UTRN: variants seen among roughly 807,000 people sequenced by gnomAD.
The protein encoded by UTRN is dystrophin-related protein 1.
UTRN carries 283 observed loss-of-function variants against 463.9 expected under a neutral mutation model. That is an observed-to-expected ratio of 0.61 (90% confidence interval 0.55 to 0.67). The LOEUF is 0.67. Ranked by LOEUF, UTRN falls within the 30% of genes least tolerant of loss-of-function variation. The pLI is 0.00. For missense variants in UTRN, 3,922 were observed against 4,084.3 expected (o/e 0.96, Z 1.08); for synonymous variants, 1,442 against 1,431.5 (o/e 1.01, Z -0.17).
Position 144,513,841 on chromosome 6 carries a change from T to A in UTRN, c.4945-68T>A, listed in dbSNP as rs201619345. On this transcript the variant is annotated intron_variant, in intron 35 of 74. Transcript: ENST00000367545. ...GTTTGCTCTTTGAAGGTCTTTTAAATCTCTTTTAAGATTATCATCTTAAAT... is the reference window on the plus strand; with the variant it reads ...GTTTGCTCTTTGAAGGTCTTTTAAAACTCTTTTAAGATTATCATCTTAAAT... The A allele has an allele frequency of 7.1e-6, 11 of 1,539,110 alleles. No individual in the cohort carries two copies. The East Asian group carries it at 2.6e-4, about 36-fold the overall frequency.
At chr6:144,301,622 C>T (rs923785625) in intron 2 of UTRN, among the ~76,000 whole-genome samples, 3 of 150,608 alleles carry the variant, frequency 2.0e-5, no homozygotes, top group African/African-American at 7.3e-5. Flanking sequence ...CAGCCCTCCG[C>T]CTCCCAGGTT....
At chr6:144,320,274 G>A (rs140913766) in intron 2 of UTRN, among the ~76,000 whole-genome samples, 53 of 152,318 alleles carry the variant, frequency 3.5e-4, no homozygotes, top group African/African-American at 1.3e-3. Flanking sequence ...GGCTAATATT[G>A]TTAGGGGCTG....
intron 55 of UTRN, among the ~76,000 whole-genome samples, chr6:144,748,870 G>A (rs994294074): frequency 2.6e-5 from 4 of 151,620 alleles, no homozygotes; most frequent in African/African-American, 9.7e-5. Context: ...CAGTTTATTT[G>A]TTAAAGACAC....
chr6:144,350,586 T>A (rs1416169028), intron 2 of UTRN, among the ~76,000 whole-genome samples: 1 of 152,246 alleles, frequency 6.6e-6, no homozygotes, highest in Non-Finnish European at 1.5e-5. Flanking sequence ...AGAGATGAAA[T>A]GTAGTCTATA....
intron 58 of UTRN, among the ~76,000 whole-genome samples, chr6:144,765,858 A>G (rs1395443945): frequency 3.3e-5 from 5 of 152,056 alleles, no homozygotes; most frequent in Non-Finnish European, 7.4e-5. Context: ...AAATAGGATC[A>G]TATATCTTAT....
chr6:144,723,658 C>T (rs931515184), intron 53 of UTRN, among the ~76,000 whole-genome samples: 2 of 152,118 alleles, frequency 1.3e-5, no homozygotes, highest in African/African-American at 4.8e-5. Context: ...ATACTGAACA[C>T]ACAGAATGAG....
intron 9 of UTRN, among the ~76,000 whole-genome samples, chr6:144,433,387 G>T (rs1368290276): frequency 6.7e-6 from 1 of 149,230 alleles, no homozygotes; most frequent in African/African-American, 2.4e-5. Context: ...CCTCCCGGAC[G>T]GGGTGGCTGC....
At chr6:144,587,588 T>C (rs1336774006) in intron 51 of UTRN, among the ~76,000 whole-genome samples, 1 of 152,136 alleles carries the variant, frequency 6.6e-6, no homozygotes, top group Non-Finnish European at 1.5e-5. Context: ...GAGTATGTGG[T>C]TTTTTAGAAG....
At chr6:144,610,718 T>G (rs1562646261) in intron 51 of UTRN, among the ~76,000 whole-genome samples, 1 of 152,084 alleles carries the variant, frequency 6.6e-6, no homozygotes, top group East Asian at 1.9e-4. Flanking sequence ...CTACTAAAAA[T>G]ACAAAAATTA....
rs12212287 is a variant in UTRN at position 144,749,453 on chromosome 6, T to G, written c.8208+939T>G. ...GTCACACCTGCCAACAGACTTCCAG[T>G]TAGCACCTTTGATACTAGCAGATGT... On this transcript the variant is annotated intron_variant, in intron 55 of 74. Transcript: ENST00000367545. Among the ~76,000 whole-genome samples the G allele has an allele frequency of 1.2e-3, 185 of 152,302 alleles. 1 individual carries two copies. Among genetic ancestry groups the G allele is most frequent in the Non-Finnish European group, 7.8e-4 (53 of 68,024 alleles).
chr6:144,758,965 C>G (rs1586422123), intron 58 of UTRN, among the ~76,000 whole-genome samples: 1 of 152,074 alleles, frequency 6.6e-6, no homozygotes, highest in African/African-American at 2.4e-5. Context: ...AAAATCTATA[C>G]AAATGCTAAT....
intron 2 of UTRN, among the ~76,000 whole-genome samples, chr6:144,336,180 G>C (rs1229055508): frequency 6.6e-6 from 1 of 152,200 alleles, no homozygotes; most frequent in African/African-American, 2.4e-5. Context: ...CTGGGCTGCG[G>C]CAGGTGGTGG....
chr6:144,398,182 C>T (rs989031793), intron 2 of UTRN: 1 of 244,664 alleles, frequency 4.1e-6, no homozygotes, highest in Non-Finnish European at 8.5e-6. Context: ...TTGCAATATT[C>T]TCTAATTTCT....
intron 57 of UTRN, among the ~76,000 whole-genome samples, chr6:144,756,070 T>G (rs180969880): frequency 6.6e-6 from 1 of 152,248 alleles, no homozygotes; most frequent in Admixed American, 6.6e-5. Flanking sequence ...TCCTGGAATA[T>G]ACTGTGTACC....
At chr6:144,568,965 C>T (rs1353310329) in intron 50 of UTRN, among the ~76,000 whole-genome samples, 6 of 152,002 alleles carry the variant, frequency 3.9e-5, no homozygotes, top group African/African-American at 1.5e-4. Context: ...GGTATATTCA[C>T]CTGTGTAATA....
chr6:144,700,859 A>G (rs1586098454), intron 53 of UTRN, among the ~76,000 whole-genome samples: 1 of 151,512 alleles, frequency 6.6e-6, no homozygotes, highest in African/African-American at 2.4e-5. Flanking sequence ...TCAGCCTCCC[A>G]AGTAGCTGGG....
At chr6:144,605,909 T>C (rs1804796396) in intron 51 of UTRN, among the ~76,000 whole-genome samples, 1 of 152,186 alleles carries the variant, frequency 6.6e-6, no homozygotes. Flanking sequence ...TTTGCATTTT[T>C]GAGTTACTAA....
At chr6:144,347,942 C>G (rs1257837278) in intron 2 of UTRN, among the ~76,000 whole-genome samples, 3 of 151,030 alleles carry the variant, frequency 2.0e-5, no homozygotes, top group Admixed American at 2.0e-4. Context: ...CTCCCAGGCT[C>G]AAGTGATCCT....
chr6:144,561,264 T>G (rs12211779), intron 50 of UTRN, among the ~76,000 whole-genome samples: 3 of 98,858 alleles, frequency 3.0e-5, no homozygotes, highest in Admixed American at 1.1e-4. Context: ...TATATATACA[T>G]ACACACACAC....
Sources: gnomAD v4.1 joint callset for allele counts (sites outside exome capture counted in the v4.1 genomes callset) on GRCh38, gnomAD v4.1.1 for gene constraint, MANE v1.5 for transcripts, NCBI Gene and HGNC (gene_info 2026-07-23, HGNC 2026-07-21) for gene names.